ELAVL1: variants seen among roughly 807,000 people sequenced by gnomAD.
ELAVL1 encodes ELAV like RNA binding protein 1, also known as ELAV-like protein 1.
A neutral mutation model predicts 28.4 loss-of-function variants in ELAVL1; 1 was observed. That is an observed-to-expected ratio of 0.04 (90% CI 0.01 to 0.17). The LOEUF is 0.17. Among genes scored for constraint, ELAVL1 ranks in the 10% least tolerant of loss-of-function variants. ELAVL1 has a pLI of 1.00. For synonymous variants in ELAVL1, 174 were observed against 183.5 expected, an observed-to-expected ratio of 0.95 and a Z score of 0.42; for missense variants, 157 against 447.2, an observed-to-expected ratio of 0.35 and a Z score of 5.85.
rs756489108 is a variant in ELAVL1 at position 7,960,448 on chromosome 19, G to C, written c.*3035C>G. On this transcript the variant is annotated 3_prime_UTR_variant, in exon 6 of 6. Coordinates refer to ENST00000407627, the MANE Select transcript of ELAVL1 (RefSeq NM_001419.3). ...TGGCCGGGGAGGGGACTCAGCACCC[G>C]GGAGGGAATCAGTCACAGAGCTGCG... 1 of 152,214 alleles carries C rather than the reference G, an allele frequency of 6.6e-6. No individual in the cohort carries two copies. The highest frequency in any genetic ancestry group is 1.9e-4 in the East Asian group (1 of 5,190). The allele number at this position is 152,214 out of a possible 1,614,324, so 9.4% of individuals were successfully genotyped here.
intron 1 of ELAVL1, among the ~76,000 whole-genome samples, chr19:8,000,100 G>A (rs759365764): frequency 7.2e-5 from 11 of 151,982 alleles, no homozygotes; most frequent in South Asian, 2.1e-4. Flanking sequence ...TTGTAGAGGC[G>A]GGGGCGGGGG....
In ELAVL1 at chr19:7,960,369, T is replaced by G. The variant is rs984938016; in HGVS notation, c.*3114A>C. 1.4e-4 allele frequency: 22 copies of G among 152,244 alleles called. No homozygotes were observed. The highest frequency in any genetic ancestry group is 5.1e-4 in the African/African-American group (21 of 41,534). 9.4% of individuals were successfully genotyped at this position (152,244 alleles called of 1,614,324 possible). On this transcript the variant is annotated 3_prime_UTR_variant, in exon 6 of 6. Coordinates refer to ENST00000407627, the MANE Select transcript of ELAVL1 (RefSeq NM_001419.3). ...GTGGCGGAACCCACCCAGCACCACC[T>G]GCGGGCGGGCCCCCGAGGAAGCCCA...
intron 4 of ELAVL1, among the ~76,000 whole-genome samples, chr19:7,968,765 A>G (rs1250828082): frequency 6.6e-6 from 1 of 152,212 alleles, no homozygotes; most frequent in Non-Finnish European, 1.5e-5. Context: ...GAAGGAGAGC[A>G]TGGCTGTCCT....
At chr19:7,978,972 G>A (rs992808367) in intron 3 of ELAVL1, among the ~76,000 whole-genome samples, 2 of 152,174 alleles carry the variant, frequency 1.3e-5, no homozygotes, top group Admixed American at 1.3e-4. Context: ...TTAAACTGGG[G>A]ATGGCAGGGG....
In ELAVL1 at chr19:7,981,012, G is replaced by C; in HGVS notation, c.276+71C>G. The C allele has an allele frequency of 6.8e-7, 1 of 1,475,172 alleles. No individual in the cohort carries two copies. The highest frequency in any genetic ancestry group is 1.7e-5 in the Admixed American group (1 of 59,592). 91.4% of individuals were successfully genotyped at this position (1,475,172 alleles called of 1,614,324 possible). On this transcript the variant is annotated intron_variant, in intron 3 of 5. Coordinates refer to ENST00000407627, the MANE Select transcript of ELAVL1 (RefSeq NM_001419.3). The surrounding 1 kb of genome is among the most constrained non-coding windows in gnomAD (Gnocchi z 4.2). ...ATAGTCCCTTGGAGAGTGACTGTGA[G>C]GCTGGGCGGGGCTCAGCACAGACCT...
rs140179606 is a variant in ELAVL1 at position 7,973,772 on chromosome 19, C to T, written c.383G>A (p.Arg128Gln). 2.4e-5 allele frequency: 38 copies of T among 1,614,010 alleles called. No homozygotes were observed. Among genetic ancestry groups the T allele is most frequent in the East Asian group, 4.5e-5 (2 of 44,892 alleles). ...CCGCGAGTTGATGATCCGCCCAAAC[C>T]GAGAGAACATGTCTTCTACGTCCTT... ...TQKDVEDMFS[R>Q]FGRIINSRVL... The change falls in exon 4 of 6, where the codon CGG becomes CAG. Residue 128 changes from arginine (R) to glutamine (Q), a missense_variant. By Grantham distance (43) the Arg-to-Gln change is conservative (BLOSUM62 1). Coordinates refer to ENST00000407627, the MANE Select transcript of ELAVL1 (RefSeq NM_001419.3).
intron 5 of ELAVL1, among the ~76,000 whole-genome samples, chr19:7,965,530 T>C (rs1360368528): frequency 1.3e-5 from 2 of 152,168 alleles, no homozygotes; most frequent in East Asian, 1.9e-4. Flanking sequence ...GCAAACTCAC[T>C]GCAGTCTGGG....
rs1984741684 is a variant in ELAVL1 at position 7,959,340 on chromosome 19, A to C, written c.*4143T>G. The C allele has an allele frequency of 6.6e-6, 1 of 152,612 alleles. No homozygotes were observed. Among genetic ancestry groups the C allele is most frequent in the Non-Finnish European group, 1.5e-5 (1 of 68,036 alleles). 9.5% of individuals were successfully genotyped at this position (152,612 alleles called of 1,614,324 possible). On this transcript the variant is annotated 3_prime_UTR_variant, in exon 6 of 6. Coordinates refer to ENST00000407627, the MANE Select transcript of ELAVL1 (RefSeq NM_001419.3). ...AACACACTAATATACAAAAGGTCTA[A>C]CCATCTACTGTACAACATGGGAATC... is the stretch of plus-strand genomic sequence containing the variant.
At chr19:7,986,780 G>A (rs1985613432) in intron 2 of ELAVL1, among the ~76,000 whole-genome samples, 1 of 152,168 alleles carries the variant, frequency 6.6e-6, no homozygotes, top group African/African-American at 2.4e-5. Flanking sequence ...CAGCGAAGTG[G>A]AAAAATGTCC....
intron 1 of ELAVL1, among the ~76,000 whole-genome samples, chr19:8,004,608 A>C (rs758910103): frequency 2.6e-5 from 4 of 152,168 alleles, no homozygotes; most frequent in Non-Finnish European, 5.9e-5. Flanking sequence ...CCCAAACATC[A>C]GTAGGGCCAA....
At chr19:7,983,927 G>A (rs1184406793) in intron 2 of ELAVL1, among the ~76,000 whole-genome samples, 1 of 151,934 alleles carries the variant, frequency 6.6e-6, no homozygotes, top group Non-Finnish European at 1.5e-5. Flanking sequence ...CTACCCTCTT[G>A]GGACACCCCT....
At chr19:7,972,122 C>CAACG in intron 4 of ELAVL1, among the ~76,000 whole-genome samples, 1 of 152,262 alleles carries the variant, frequency 6.6e-6, no homozygotes, top group East Asian at 1.9e-4. Flanking sequence ...ACCACCCATA[C>CAACG]AACGCATGGG....
At chr19:7,996,590 G>A (rs1355190996) in intron 1 of ELAVL1, among the ~76,000 whole-genome samples, 1 of 151,950 alleles carries the variant, frequency 6.6e-6, no homozygotes, top group East Asian at 1.9e-4. Context: ...TGGATCACCT[G>A]AGGTCAGGAG....
chr19:7,987,119 G>GT (rs1054557520), intron 2 of ELAVL1, among the ~76,000 whole-genome samples: 2 of 149,482 alleles, frequency 1.3e-5, no homozygotes, highest in African/African-American at 4.9e-5. Context: ...GGGGTGCCGG[G>GT]GGGGGGGGAG....
chr19:7,991,932 C>CT (rs398033838), intron 1 of ELAVL1, 101 bp from the exon 2 acceptor site: 244,456 of 644,172 alleles, frequency 0.38, 16,099 homozygotes, highest in East Asian at 0.41. Context: ...TTCTTTCTTT[C>CT]TTTTTTTTTT....
At chr19:7,992,129 C>T (rs1193101983) in intron 1 of ELAVL1, among the ~76,000 whole-genome samples, 5 of 151,938 alleles carry the variant, frequency 3.3e-5, no homozygotes, top group Admixed American at 1.3e-4. Flanking sequence ...TTAGTAGAGA[C>T]GGGGTTTCGT....
chr19:7,973,936 A>G, intron 3 of ELAVL1, 58 bp from the exon 4 acceptor site: 1 of 1,592,424 alleles, frequency 6.3e-7, no homozygotes, highest in Non-Finnish European at 8.6e-7. Flanking sequence ...AGCATTGAGG[A>G]GGGTGTTGAA....
Position 7,985,077 on chromosome 19 carries a change from G to A in ELAVL1, c.173-3891C>T, listed in dbSNP as rs111985999. ...TGGGACTAGAGGGGCACGCCACCAT[G>A]CCCAGCTAATTTTTTAATTTTTTGT... On this transcript the variant is annotated intron_variant, in intron 2 of 5. Coordinates refer to ENST00000407627, the MANE Select transcript of ELAVL1 (RefSeq NM_001419.3). 1.8e-3 allele frequency among the ~76,000 whole-genome samples: 280 copies of A among 152,286 alleles called. 1 individual carries two copies. The highest frequency in any genetic ancestry group is 6.4e-3 in the African/African-American group (268 of 41,564).
chr19:8,001,063 C>T (rs116457571), intron 1 of ELAVL1, among the ~76,000 whole-genome samples: 2,285 of 152,306 alleles, frequency 0.015, 59 homozygotes, highest in African/African-American at 0.052. Context: ...GTGCAGAAGT[C>T]GCTCCCCTTC....
Sources: gnomAD v4.1 joint callset for allele counts (sites outside exome capture counted in the v4.1 genomes callset) on GRCh38, gnomAD v4.1.1 for gene constraint, Gnocchi (gnomAD v3.1) non-coding constraint, MANE v1.5 for transcripts, NCBI Gene and HGNC (gene_info 2026-07-23, HGNC 2026-07-21) for gene names.